The following NOP2 variants were observed in gnomAD, a reference collection of about 807,000 sequenced individuals.
The protein encoded by NOP2 is NOP2 nucleolar protein, also known as 28S rRNA (cytosine(4447)-C(5))-methyltransferase.
A neutral mutation model predicts 72.7 loss-of-function variants in NOP2; 7 were observed. The observed-to-expected ratio is 0.10, with a 90% CI of 0.05 to 0.18. NOP2 has a LOEUF of 0.18. NOP2 is among the 10% of genes least tolerant of loss of function. The pLI, the probability that NOP2 is intolerant of heterozygous loss-of-function variation, is 1.00. For missense variants in NOP2, 954 were observed against 1,014.7 expected (o/e 0.94, Z 0.81); for synonymous variants, 387 against 388.0 (o/e 1.00, Z 0.03).
chr12:6,562,727 C>T (rs745607254), intron 9 of NOP2, among the ~76,000 whole-genome samples: 32 of 152,192 alleles, frequency 2.1e-4, no homozygotes, highest in Non-Finnish European at 3.7e-4. Context: ...GCCCCTGAAC[C>T]CTTGGAAATG....
At chr12:6,563,263 C>CGT in intron 8 of NOP2, 52 bp downstream of exon 8, 1 of 1,539,758 alleles carries the variant, frequency 6.5e-7, no homozygotes, top group Non-Finnish European at 8.8e-7. Flanking sequence ...CCTTACACAG[C>CGT]GTAAGGAGGC....
intron 1 of NOP2, 28 bp downstream of exon 1, chr12:6,568,179 T>A: frequency 2.0e-6 from 1 of 496,720 alleles, no homozygotes; most frequent in Admixed American, 3.8e-5. Flanking sequence ...GCTGCCACTC[T>A]TCGTCCCCCA....
Position 6,557,657 on chromosome 12 carries a change from A to C in NOP2, c.1790-15T>G. On this transcript the variant is annotated splice_polypyrimidine_tract_variant and intron_variant, in intron 15 of 15. Transcript: ENST00000322166. ...TTCAGAATTTCCTGGGGTTAAAATT[A>C]AACAGATGGTGTCAGAAAATGGGCC... The C allele has an allele frequency of 2.5e-6, 4 of 1,592,608 alleles. No individual in the cohort carries two copies. Among genetic ancestry groups the C allele is most frequent in the Non-Finnish European group, 3.4e-6 (4 of 1,171,350 alleles).
chr12:6,565,245 C>G (rs1947748761), intron 5 of NOP2, among the ~76,000 whole-genome samples: 1 of 152,012 alleles, frequency 6.6e-6, no homozygotes, highest in Admixed American at 6.6e-5. Flanking sequence ...CCTCAACCTC[C>G]CAAGCTCCAG....
Position 6,566,613 on chromosome 12 carries a change from C to G in NOP2, c.154G>C (p.Ala52Pro). Residue 52 changes from alanine to proline, a missense_variant, in exon 4 of 16, where the codon GCC becomes CCC. Transcript: ENST00000322166. ...TCAACAGAGCCCAATCTCCTCTTGG[C>G]TGCCCTGAAAAGACACAAGAGATTC... ...RLSSRARKRA[A>P]KRRLGSVEAP... is the part of the protein sequence containing the mutation. 3.1e-6 allele frequency: 5 copies of G among 1,613,872 alleles called. No individual in the cohort carries two copies. The highest frequency in any genetic ancestry group is 3.4e-6 in the Non-Finnish European group (4 of 1,179,808).
At chr12:6,564,180 G>A in intron 5 of NOP2, 1 of 1,293,366 alleles carries the variant, frequency 7.7e-7, no homozygotes, top group Non-Finnish European at 1.0e-6. Context: ...GGAAGCTGAG[G>A]CAGGAGAATT....
chr12:6,560,364 C>T lies in NOP2; in HGVS notation c.1561-38G>A. 6.2e-7 allele frequency: 1 copy of T among 1,608,852 alleles called. No homozygotes were observed. Among genetic ancestry groups the T allele is most frequent in the Non-Finnish European group, 8.5e-7 (1 of 1,175,936 alleles). On this transcript the variant is annotated intron_variant, in intron 14 of 15. Coordinates refer to ENST00000322166, the MANE Select transcript of NOP2 (RefSeq NM_001258308.2). The surrounding 1 kb of genome is among the most constrained non-coding windows in gnomAD (Gnocchi z 5.0). ...GGAAGACAAAGAACGGAGGAAAAAG[C>T]AGAGCTGGAGCTGAAGGGAGCTCTA...
chr12:6,568,003 G>C (rs1473277895), intron 1 of NOP2, 81 bp from the exon 2 acceptor site: 2 of 1,097,444 alleles, frequency 1.8e-6, no homozygotes, highest in African/African-American at 1.6e-5. Context: ...GTATTATAGT[G>C]GGAAAGGGCA....
In NOP2 at chr12:6,557,559, T is replaced by C. The variant is rs757569290; in HGVS notation, c.1873A>G (p.Lys625Glu). 6.2e-7 allele frequency: 1 copy of C among 1,613,974 alleles called. No individual in the cohort carries two copies. Among genetic ancestry groups the C allele is most frequent in the East Asian group, 2.2e-5 (1 of 44,878 alleles). Residue 625 changes from lysine to glutamate, a missense_variant, in exon 16 of 16, where the codon AAA becomes GAA. Transcript: ENST00000322166. ...TTTGTCTTTGCAGCCCCCTTGGCTT[T>C]CTTGGCTGGCTGGCTGCTGTTCTCA... The part of the protein sequence containing the change: ...KSENSSQPAK[K>E]AKGAAKTKQQ...
At chr12:6,567,671 C>A (rs1003101202) in intron 2 of NOP2, 145 bp downstream of exon 2, 7 of 623,348 alleles carry the variant, frequency 1.1e-5, no homozygotes, top group Non-Finnish European at 2.0e-5. Flanking sequence ...ACAATCTAAA[C>A]GGCTGTTTCA....
intron 5 of NOP2, among the ~76,000 whole-genome samples, chr12:6,564,931 T>C (rs547928485): frequency 3.3e-5 from 5 of 152,150 alleles, no homozygotes; most frequent in Non-Finnish European, 7.4e-5. Flanking sequence ...TTTTTGGCAT[T>C]ATGATCCACA....
Position 6,560,656 on chromosome 12 carries a change from C to A in NOP2, c.1437+42G>T, listed in dbSNP as rs202015695. ...CATCTCAGTTTCCAGCTCTACGAGA[C>A]CCAGCCAAGGCCTCTCAGGGGCCCA... On this transcript the variant is annotated intron_variant, in intron 13 of 15. Transcript: ENST00000322166. The surrounding 1 kb of genome is among the most constrained non-coding windows in gnomAD (Gnocchi z 5.0). 1 of 1,612,280 alleles carries A rather than the reference C, an allele frequency of 6.2e-7. No individual in the cohort carries two copies. Among genetic ancestry groups the A allele is most frequent in the Non-Finnish European group, 8.5e-7 (1 of 1,178,860 alleles).
In NOP2 at chr12:6,557,320, T is replaced by C; in HGVS notation, c.2112A>G (p.Lys704=). 2.5e-6 allele frequency: 4 copies of C among 1,614,036 alleles called. No homozygotes were observed. The highest frequency in any genetic ancestry group is 2.7e-5 in the African/African-American group (2 of 75,054). Residue 704 remains lysine, a synonymous_variant, in exon 16 of 16, where the codon AAA becomes AAG. Transcript: ENST00000322166. ...AAGCAACTTTCTTGGAGGACTGTAA[T>C]TTAGGTGATCGTTGCTTTAGCTTCC... is the stretch of plus-strand genomic sequence containing the variant. ...VTGKLKQRSP[K]LQSSKKVAFL... is the part of the protein sequence containing the mutation.
rs531467452 is a variant in NOP2, at chr12:6,558,124, A to C, written c.1790-482T>G. 423 of 373,410 alleles carry C rather than the reference A, an allele frequency of 1.1e-3. 4 individuals carry two copies. Among genetic ancestry groups the C allele is most frequent in the South Asian group, 8.0e-3 (414 of 51,966 alleles). 23.1% of individuals were successfully genotyped at this position (373,410 alleles called of 1,614,324 possible). ...CCACTGCAGTCCAGCCTGAGCGACA[A>C]AGCAAGACACCGTCTCAAAAAAAAA... On this transcript the variant is annotated intron_variant, in intron 15 of 15. Coordinates refer to ENST00000322166, the MANE Select transcript of NOP2 (RefSeq NM_001258308.2).
intron 8 of NOP2, 59 bp from the exon 9 acceptor site, chr12:6,563,229 G>T: frequency 6.5e-7 from 1 of 1,548,126 alleles, no homozygotes; most frequent in Non-Finnish European, 8.7e-7. Flanking sequence ...GTCAGAAGAG[G>T]GGAGCAAGGG....
intron 15 of NOP2, chr12:6,557,974 C>T (rs1358849472): frequency 1.4e-5 from 5 of 350,550 alleles, no homozygotes; most frequent in South Asian, 9.2e-5. Flanking sequence ...GAAACCATCT[C>T]TACTAAAAAT....
At chr12:6,557,980 A>G in intron 15 of NOP2, 5 of 343,316 alleles carry the variant, frequency 1.5e-5, no homozygotes, top group Non-Finnish European at 2.8e-5. Context: ...ATCTCTACTA[A>G]AAATACAAAA....
At chr12:6,568,020 C>A (rs1947830523) in intron 1 of NOP2, 98 bp from the exon 2 acceptor site, 1 of 844,806 alleles carries the variant, frequency 1.2e-6, no homozygotes, top group Non-Finnish European at 1.9e-6. Context: ...GGCACAGCCT[C>A]AACTCAGCAC....
rs1340830367 is a variant in NOP2 at position 6,564,169 on chromosome 12, G to A, written c.475-223C>T. 2.2e-6 allele frequency: 3 copies of A among 1,361,072 alleles called. No individual in the cohort carries two copies. The Admixed American group carries it at 6.4e-5, about 29-fold the overall frequency. The allele number at this position is 1,361,072 out of a possible 1,614,324, so 84.3% of individuals were successfully genotyped here. A position where few individuals can be genotyped will look rare whatever the true frequency, so the allele number is the denominator to read the frequency against. On this transcript the variant is annotated intron_variant, in intron 5 of 15. Transcript: ENST00000322166. ...ACACACCTGTAAATCCCAGCTACTT[G>A]GGAAGCTGAGGCAGGAGAATTGCTT...
Sources: gnomAD v4.1 joint callset for allele counts (sites outside exome capture counted in the v4.1 genomes callset) on GRCh38, gnomAD v4.1.1 for gene constraint, Gnocchi (gnomAD v3.1) non-coding constraint, MANE v1.5 for transcripts, NCBI Gene and HGNC (gene_info 2026-07-23, HGNC 2026-07-21) for gene names.